RTN4: variants seen among roughly 807,000 people sequenced by gnomAD.
RTN4 encodes the protein reticulon-4.
A neutral mutation model predicts 90.4 loss-of-function variants in RTN4; 32 were observed. The observed-to-expected ratio is 0.35, with a 90% CI of 0.27 to 0.48. The LOEUF is 0.48. Among genes scored for constraint, RTN4 ranks in the 20% least tolerant of loss-of-function variants. RTN4 has a pLI of 0.99. For missense variants in RTN4, 1,706 were observed against 1,430.2 expected, an observed-to-expected ratio of 1.19 and a Z score of -3.11; for synonymous variants, 629 against 552.5, an observed-to-expected ratio of 1.14 and a Z score of -1.94.
chr2:55,123,155 T>C, the RTN4 span, among the ~76,000 whole-genome samples: 5 of 152,204 alleles, frequency 3.3e-5, no homozygotes, highest in Admixed American at 2.0e-4. Context: ...AATTAATTTA[T>C]ATAATGGAAG....
intron 3 of RTN4, among the ~76,000 whole-genome samples, chr2:55,008,881 C>CA (rs1332796101): frequency 6.6e-6 from 1 of 152,090 alleles, no homozygotes; most frequent in East Asian, 1.9e-4. Flanking sequence ...TACCATATAT[C>CA]AATTCATCAA....
chr2:54,974,064 G>C, intron 6 of RTN4, 197 bp from the exon 7 acceptor site: 2 of 518,438 alleles, frequency 3.9e-6, no homozygotes, highest in Non-Finnish European at 6.8e-6. Context: ...TGAGGCTGCA[G>C]TTATTAGAGC....
At position 55,093,717 on chromosome 2, in the gene RTN4, G is replaced by A. The variant is rs538554684; in HGVS notation, c.-213-13078C>T. On this transcript the variant is annotated intron_variant, in intron 1 of 3. Transcript: ENST00000427710. Reference sequence around the variant, plus strand: ...GAAGAGAAATTGGTAAGAGGAAAAAGGGTAAATGTCTCAATTGTTTCCTCC... The same window carrying A: ...GAAGAGAAATTGGTAAGAGGAAAAAAGGTAAATGTCTCAATTGTTTCCTCC... Among the ~76,000 whole-genome samples the A allele has an allele frequency of 3.6e-3, 546 of 152,234 alleles. 1 individual carries two copies. Among genetic ancestry groups the A allele is most frequent in the African/African-American group, 0.012 (510 of 41,532 alleles).
At position 54,991,352 on chromosome 2, in the gene RTN4, G is replaced by A. The variant is rs1002165181; in HGVS notation, c.3014-3654C>T. On this transcript the variant is annotated intron_variant, in intron 3 of 8. Coordinates refer to ENST00000337526, the MANE Select transcript of RTN4 (RefSeq NM_020532.5). ...TATAACAGAGTTACTGTTTAAACAG[G>A]TGTAGTGACTATATATGAATTATTT... 3.3e-5 allele frequency among the ~76,000 whole-genome samples: 5 copies of A among 152,216 alleles called. No individual in the cohort carries two copies. The East Asian group carries it at 9.6e-4, about 29-fold the overall frequency.
At position 55,025,511 on chromosome 2, in the gene RTN4, G is replaced by C; in HGVS notation, c.2588C>G (p.Ser863Cys). Residue 863 changes from serine (S) to cysteine (C), a missense_variant, in exon 3 of 9, where the codon TCT (serine) becomes TGT (cysteine). Coordinates refer to ENST00000337526, the MANE Select transcript of RTN4 (RefSeq NM_020532.5). ...IRETETFSDS[S>C]PIEIIDEFPT... Reference sequence around the variant, plus strand: ...GAACTCATCTATAATTTCAATTGGAGATGAATCTGAAAACGTTTCAGTTTC... The same window carrying C: ...GAACTCATCTATAATTTCAATTGGACATGAATCTGAAAACGTTTCAGTTTC... The C allele has an allele frequency of 1.2e-6, 2 of 1,613,632 alleles. No homozygotes were observed. Among genetic ancestry groups the C allele is most frequent in the Non-Finnish European group, 1.7e-6 (2 of 1,179,744 alleles).
intron 8 of RTN4, 112 bp downstream of exon 8, chr2:54,973,451 C>A: frequency 1.1e-6 from 1 of 893,840 alleles, no homozygotes; most frequent in Non-Finnish European, 1.8e-6. Context: ...TGAAGTCACA[C>A]TTAAGGTCTG....
intron 1 of RTN4, among the ~76,000 whole-genome samples, chr2:55,041,046 G>T (rs1211219999): frequency 1.3e-5 from 2 of 148,676 alleles, no homozygotes; most frequent in Admixed American, 6.7e-5. Context: ...CCTAATACAA[G>T]AGTACAGAGA....
At chr2:55,036,008 G>A (rs1290506730) in intron 1 of RTN4, among the ~76,000 whole-genome samples, 1 of 151,990 alleles carries the variant, frequency 6.6e-6, no homozygotes, top group Non-Finnish European at 1.5e-5. Flanking sequence ...AAACCCCCAC[G>A]AAGAAAACTA....
intron 1 of RTN4, among the ~76,000 whole-genome samples, chr2:55,095,928 C>T (rs140752921): frequency 6.6e-6 from 1 of 152,164 alleles, no homozygotes; most frequent in Non-Finnish European, 1.5e-5. Flanking sequence ...TGTAGAATGT[C>T]CCTCACTTGG....
At chr2:55,103,389 A>G (rs967600579) in intron 1 of RTN4, among the ~76,000 whole-genome samples, 2 of 152,046 alleles carry the variant, frequency 1.3e-5, no homozygotes, top group African/African-American at 4.8e-5. Flanking sequence ...AGTTCTGGAG[A>G]CCTATTATAT....
At chr2:55,098,909 A>G (rs533864703) in intron 1 of RTN4, among the ~76,000 whole-genome samples, 1 of 152,266 alleles carries the variant, frequency 6.6e-6, no homozygotes, top group African/African-American at 2.4e-5. Flanking sequence ...GGCATTTGGA[A>G]CAAGAAACTT....
intron 1 of RTN4, among the ~76,000 whole-genome samples, chr2:55,094,879 T>C (rs1669003196): frequency 6.6e-6 from 1 of 152,166 alleles, no homozygotes. Context: ...AAGCAAGAGA[T>C]GCACAGCAAG....
At chr2:54,978,878 A>G (rs1677884297) in intron 5 of RTN4, among the ~76,000 whole-genome samples, 1 of 152,186 alleles carries the variant, frequency 6.6e-6, no homozygotes, top group Admixed American at 6.5e-5. Context: ...CCGTTTAAAC[A>G]AGGTAAATAC....
chr2:55,005,160 G>A (rs1057029536), intron 3 of RTN4, among the ~76,000 whole-genome samples: 5 of 152,162 alleles, frequency 3.3e-5, no homozygotes, highest in African/African-American at 7.2e-5. Flanking sequence ...ATAGACAGAA[G>A]AAACTTCATT....
At chr2:55,121,621 C>A in the RTN4 span, among the ~76,000 whole-genome samples, 1 of 152,120 alleles carries the variant, frequency 6.6e-6, no homozygotes, top group African/African-American at 2.4e-5. Context: ...TCCTTTTATC[C>A]ACTGAGGTCA....
intron 1 of RTN4, among the ~76,000 whole-genome samples, chr2:55,089,613 A>G (rs1326880859): frequency 6.6e-6 from 1 of 152,230 alleles, no homozygotes; most frequent in East Asian, 1.9e-4. Flanking sequence ...TCCTGCTCCA[A>G]CTAAGTGAAT....
intron 3 of RTN4, among the ~76,000 whole-genome samples, chr2:54,990,958 T>C (rs991874610): frequency 6.6e-6 from 1 of 151,836 alleles, no homozygotes; most frequent in East Asian, 1.9e-4. Flanking sequence ...GATTTTTTGT[T>C]TTTTTAGTAG....
rs1437927997 is a variant in RTN4 at position 55,026,148 on chromosome 2, G to C, written c.1951C>G (p.His651Asp). ...TATGGTGGGGGGTTTTCAGGCTCATGTTTTATGCTTTCATAATTAACTGAA... is the reference window on the plus strand; with the variant it reads ...TATGGTGGGGGGTTTTCAGGCTCATCTTTTATGCTTTCATAATTAACTGAA... ...ASSVNYESIK[H>D]EPENPPPYEE... The change falls in exon 3 of 9, where the codon CAT (histidine) becomes GAT (aspartate). Residue 651 changes from histidine to aspartate, a missense_variant. By Grantham distance (81) the His-to-Asp change is moderately conservative. Coordinates refer to ENST00000337526, the MANE Select transcript of RTN4 (RefSeq NM_020532.5). 2 of 1,613,274 alleles carry C rather than the reference G, an allele frequency of 1.2e-6. No individual in the cohort carries two copies. The highest frequency in any genetic ancestry group is 8.5e-7 in the Non-Finnish European group (1 of 1,179,784).
At chr2:55,093,751 C>T (rs1316950537) in intron 1 of RTN4, among the ~76,000 whole-genome samples, 2 of 152,188 alleles carry the variant, frequency 1.3e-5, no homozygotes, top group Non-Finnish European at 2.9e-5. Context: ...CCTCTGATTA[C>T]AGCCAGAGGA....
Sources: gnomAD v4.1 joint callset for allele counts (sites outside exome capture counted in the v4.1 genomes callset) on GRCh38, gnomAD v4.1.1 for gene constraint, MANE v1.5 for transcripts, NCBI Gene and HGNC (gene_info 2026-07-23, HGNC 2026-07-21) for gene names.